The following SEL1L3 variants were observed in gnomAD, a reference collection of about 807,000 sequenced individuals.
The protein encoded by SEL1L3 is protein sel-1 homolog 3.
A neutral mutation model predicts 142.8 loss-of-function variants in SEL1L3; 76 were observed. The ratio of observed to expected loss-of-function variants is 0.53; its 90% confidence interval spans 0.44 to 0.64. SEL1L3 has a LOEUF of 0.64. Ranked by LOEUF, SEL1L3 falls within the 30% of genes least tolerant of loss-of-function variation. The probability of loss-of-function intolerance (pLI) is 0.00; values close to 1 mark genes in which losing one functional copy is unlikely to be tolerated. For synonymous variants in SEL1L3, 504 were observed against 519.6 expected (o/e 0.97, Z 0.41); for missense variants, 1,262 against 1,381.7 (o/e 0.91, Z 1.37).
At chr4:25,733,344 G>T in the SEL1L3 span, among the ~76,000 whole-genome samples, 1 of 151,496 alleles carries the variant, frequency 6.6e-6, no homozygotes, top group African/African-American at 2.4e-5. Context: ...TAAGCCTTTT[G>T]TTATCCCTCA....
the SEL1L3 span, among the ~76,000 whole-genome samples, chr4:25,717,732 G>C: frequency 6.6e-6 from 1 of 152,180 alleles, no homozygotes; most frequent in Admixed American, 6.5e-5. Flanking sequence ...GTTTTTGCCA[G>C]GGTTTACTTT....
At chr4:25,717,076 G>A in the SEL1L3 span, among the ~76,000 whole-genome samples, 3 of 151,180 alleles carry the variant, frequency 2.0e-5, no homozygotes, top group East Asian at 3.9e-4. Context: ...GCAGTGAGCC[G>A]AGATCACACC....
intron 1 of SEL1L3, among the ~76,000 whole-genome samples, chr4:25,859,032 T>C (rs779124800): frequency 4.6e-5 from 7 of 152,238 alleles, no homozygotes; most frequent in African/African-American, 7.2e-5. Context: ...TATTATACTT[T>C]GGAGACCAGA....
At chr4:25,844,410 A>G (rs1284875276) in intron 2 of SEL1L3, among the ~76,000 whole-genome samples, 1 of 152,178 alleles carries the variant, frequency 6.6e-6, no homozygotes, top group Admixed American at 6.5e-5. Context: ...ATTTTCAGTG[A>G]CTTTAACTCT....
Position 25,748,355 on chromosome 4 carries a change from T to C in SEL1L3, c.*70A>G. 2 of 1,476,040 alleles carry C rather than the reference T, an allele frequency of 1.4e-6. No individual in the cohort carries two copies. Among genetic ancestry groups the C allele is most frequent in the Non-Finnish European group, 1.8e-6 (2 of 1,087,386 alleles). 91.4% of individuals were successfully genotyped at this position (1,476,040 alleles called of 1,614,324 possible). ...TAAGGTGTTTATCAGGATCATGCCC[T>C]GGCCCCAGCTTCCCAATACCAGCTG... On this transcript the variant is annotated 3_prime_UTR_variant, in exon 24 of 24. Transcript: ENST00000399878.
chr4:25,762,194 C>G (rs928764942), intron 20 of SEL1L3, among the ~76,000 whole-genome samples: 2 of 152,246 alleles, frequency 1.3e-5, no homozygotes, highest in Non-Finnish European at 2.9e-5. Flanking sequence ...AGTGATCTGC[C>G]TGCCTTGGCC....
At position 25,779,185 on chromosome 4, in the gene SEL1L3, A is replaced by G. The variant is rs756646106; in HGVS notation, c.2476T>C (p.Phe826Leu). 1.9e-6 allele frequency: 3 copies of G among 1,613,390 alleles called. No homozygotes were observed. The highest frequency in any genetic ancestry group is 2.5e-6 in the Non-Finnish European group (3 of 1,179,492). Reference protein sequence around the residue: ...GRNQTLAGEYFHKAAQGGHME... With the variant: ...GRNQTLAGEYLHKAAQGGHME... Reference sequence around the variant, plus strand: ...TGTCCACCTTGCGCAGCCTTATGGAAATATTCACCAGCTAAAGTCTGTAAC... The same window carrying G: ...TGTCCACCTTGCGCAGCCTTATGGAGATATTCACCAGCTAAAGTCTGTAAC... Residue 826 changes from phenylalanine (F) to leucine (L), a missense_variant, in exon 16 of 24, where the codon TTC becomes CTC. By Grantham distance (22) the Phe-to-Leu change is conservative. Transcript: ENST00000399878.
intron 17 of SEL1L3, chr4:25,770,183 G>C (rs1406082795): frequency 6.6e-6 from 1 of 152,174 alleles, no homozygotes; most frequent in Non-Finnish European, 1.5e-5. Flanking sequence ...TTGTCAGAAT[G>C]GGTGGGGGAG....
rs1717378229 is a variant in SEL1L3 at position 25,748,438 on chromosome 4, T to C, written c.3386A>G (p.Glu1129Gly). Residue 1129 changes from glutamate (E) to glycine (G), a missense_variant, in exon 24 of 24, where the codon GAG becomes GGG. Coordinates refer to ENST00000399878, the MANE Select transcript of SEL1L3 (RefSeq NM_015187.5). The stretch of plus-strand genomic sequence containing the variant: ...GGAGTGCACAGTTCACCCACGTGGC[T>C]CCGGGTTATTAGTTACTGTGGGCTG... ...QDQPTVTNNP[E>G]PRG 7 of 1,610,180 alleles carry C rather than the reference T, an allele frequency of 4.3e-6. No individual in the cohort carries two copies. Among genetic ancestry groups the C allele is most frequent in the Non-Finnish European group, 5.9e-6 (7 of 1,178,520 alleles).
the SEL1L3 span, among the ~76,000 whole-genome samples, chr4:25,728,538 T>A: frequency 6.6e-6 from 1 of 152,130 alleles, no homozygotes; most frequent in South Asian, 2.1e-4. Flanking sequence ...CTTTCCTACC[T>A]ACCTGTCCAA....
chr4:25,745,704 A>G (rs1172291620), downstream of SEL1L3, among the ~76,000 whole-genome samples: 1 of 152,246 alleles, frequency 6.6e-6, no homozygotes, highest in East Asian at 1.9e-4. Context: ...CCTGCCCCAC[A>G]ACAAAGAACC....
chr4:25,833,956 T>C (rs1272593663), intron 3 of SEL1L3, among the ~76,000 whole-genome samples: 2 of 152,252 alleles, frequency 1.3e-5, no homozygotes, highest in Admixed American at 6.5e-5. Flanking sequence ...TTAATTTCTA[T>C]GTTAAAAGAA....
the SEL1L3 span, among the ~76,000 whole-genome samples, chr4:25,727,770 C>G: frequency 3.3e-5 from 5 of 152,184 alleles, no homozygotes; most frequent in Non-Finnish European, 7.3e-5. Context: ...CAGGTGCAGA[C>G]AGGACACCTG....
Position 25,833,702 on chromosome 4 carries a change from A to G in SEL1L3, c.861-133T>C, listed in dbSNP as rs941808307. The stretch of plus-strand genomic sequence containing the variant: ...AATTTGCCTTCGCGTTCATCATGGG[A>G]GATCAGCTTGCAAAGCTTGATTTTT... On this transcript the variant is annotated intron_variant, in intron 3 of 23. Transcript: ENST00000399878. The G allele has an allele frequency of 6.9e-6, 5 of 722,494 alleles. No individual in the cohort carries two copies. The African/African-American group carries it at 9.2e-5, about 13-fold the overall frequency. 44.8% of individuals were successfully genotyped at this position (722,494 alleles called of 1,614,324 possible).
chr4:25,800,095 A>G (rs1267689085), intron 11 of SEL1L3, among the ~76,000 whole-genome samples: 1 of 152,224 alleles, frequency 6.6e-6, no homozygotes, highest in East Asian at 1.9e-4. Flanking sequence ...GAGCACTAAT[A>G]AAGATGAAAT....
the SEL1L3 span, among the ~76,000 whole-genome samples, chr4:25,726,434 A>C: frequency 1.3e-5 from 2 of 151,556 alleles, no homozygotes; most frequent in Admixed American, 6.6e-5. Flanking sequence ...AGCCTGAGAC[A>C]GGAGAATCAC....
chr4:25,782,119 C>G, intron 15 of SEL1L3, 123 bp downstream of exon 15: 3 of 841,336 alleles, frequency 3.6e-6, no homozygotes, highest in Non-Finnish European at 5.6e-6. Flanking sequence ...ACGAGACCCT[C>G]TGAGCTCCTC....
the SEL1L3 span, among the ~76,000 whole-genome samples, chr4:25,733,852 C>G: frequency 6.6e-6 from 1 of 152,108 alleles, no homozygotes; most frequent in Admixed American, 6.6e-5. Flanking sequence ...CAGTACAATG[C>G]TGAGTAGGAC....
At chr4:25,742,881 C>T (rs11941332), downstream of SEL1L3, among the ~76,000 whole-genome samples, 32,173 of 152,010 alleles carry the variant, frequency 0.21, 3,826 homozygotes, top group African/African-American at 0.31. Context: ...ACCAGAGTAC[C>T]GCTTCCCCAG....
Sources: allele counts gnomAD v4.1 joint callset (sites outside exome capture counted in the v4.1 genomes callset), GRCh38; gene constraint gnomAD v4.1.1; transcripts MANE v1.5; gene names NCBI Gene and HGNC (gene_info 2026-07-23, HGNC 2026-07-21).